Variants in TPGS2 observed in about 807,000 individuals in gnomAD.
The protein encoded by TPGS2 is polyglutamylase subunit 2.
In TPGS2, 26 loss-of-function variants were observed where a neutral mutation model predicts 31.1. The observed-to-expected ratio is 0.84, with a 90% CI of 0.61 to 1.16. TPGS2 has a LOEUF of 1.16. Among genes scored for constraint, TPGS2 ranks in the 50% most tolerant of loss-of-function variants. The pLI, the probability that TPGS2 is intolerant of heterozygous loss-of-function variation, is 0.00. For missense variants in TPGS2, 351 were observed against 363.8 expected, an observed-to-expected ratio of 0.96 and a Z score of 0.29; for synonymous variants, 130 against 136.6, an observed-to-expected ratio of 0.95 and a Z score of 0.34.
intron 1 of TPGS2, 88 bp downstream of exon 1, chr18:36,828,595 G>T: frequency 7.0e-7 from 1 of 1,429,968 alleles, no homozygotes; most frequent in Non-Finnish European, 9.8e-7. Flanking sequence ...TCTGGGGCCA[G>T]CGTCGCACCG....
chr18:36,796,219 A>G lies in TPGS2; in HGVS notation c.*586T>C. 4.1e-6 allele frequency: 4 copies of G among 985,464 alleles called. No individual in the cohort carries two copies. Among genetic ancestry groups the G allele is most frequent in the Non-Finnish European group, 4.8e-6 (4 of 829,942 alleles). The allele number at this position is 985,464 out of a possible 1,614,324, so 61.0% of individuals were successfully genotyped here. ...ATCCAATGAAGACATCAACATTAAC[A>G]ACAAAAATTAATTGAGGAAGAGCAG... On this transcript the variant is annotated 3_prime_UTR_variant, in exon 7 of 7. Coordinates refer to ENST00000334295, the MANE Select transcript of TPGS2 (RefSeq NM_015476.4).
intron 2 of TPGS2, among the ~76,000 whole-genome samples, chr18:36,812,776 T>G (rs1181915376): frequency 6.6e-6 from 1 of 152,216 alleles, no homozygotes; most frequent in African/African-American, 2.4e-5. Context: ...GACTGAGCCC[T>G]TAACCTATGG....
At position 36,785,803 on chromosome 18, in the gene TPGS2, C is replaced by T. The variant is rs1429162023; in HGVS notation, c.658-2672G>A. 3.9e-5 allele frequency among the ~76,000 whole-genome samples: 6 copies of T among 151,992 alleles called. No individual in the cohort carries two copies. In the South Asian group the frequency reaches 8.3e-4, roughly 21 times the overall value. ...ATATAGGCTGGATAATTAGAAGTGTCAACAAAAAAATCATAGGATCTGTAA... is the reference window on the plus strand; with the variant it reads ...ATATAGGCTGGATAATTAGAAGTGTTAACAAAAAAATCATAGGATCTGTAA... On this transcript the variant is annotated intron_variant, in intron 6 of 6. Coordinates refer to the TPGS2 transcript ENST00000587129.
chr18:36,782,911 C>T, downstream of TPGS2: 1 of 392,572 alleles, frequency 2.5e-6, no homozygotes, highest in Non-Finnish European at 4.5e-6. Flanking sequence ...CCACTTCTCT[C>T]TTTTTTCTTC....
downstream of TPGS2, among the ~76,000 whole-genome samples, chr18:36,791,492 G>T (rs2150537372): frequency 6.6e-6 from 1 of 152,264 alleles, no homozygotes; most frequent in Non-Finnish European, 1.5e-5. Flanking sequence ...AGGTGTAACA[G>T]CACAGGAGGA....
chr18:36,810,936 C>T (rs530209916), intron 2 of TPGS2, among the ~76,000 whole-genome samples: 7 of 152,292 alleles, frequency 4.6e-5, no homozygotes, highest in Admixed American at 4.6e-4. Flanking sequence ...GACAATCCTG[C>T]ACCCCATTAT....
chr18:36,815,550 C>A (rs1366126748), intron 2 of TPGS2, among the ~76,000 whole-genome samples: 1 of 152,118 alleles, frequency 6.6e-6, no homozygotes, highest in East Asian at 1.9e-4. Context: ...CTACCCTCCA[C>A]CCACACACAT....
rs765603110 is a variant in TPGS2, at chr18:36,818,919, C to T, written c.140G>A (p.Arg47His). ...VTIIEKPPAE[R>H]HMISSWEQKN... ...TTGTTCCCAGGAAGAAATCATATGA[C>T]GTTCAGCAGGAGGCTTTTCTATGAT... Residue 47 changes from arginine to histidine, a missense_variant, in exon 2 of 7, where the codon CGT becomes CAT. Transcript: ENST00000334295. The T allele has an allele frequency of 1.1e-5, 18 of 1,613,650 alleles. No homozygotes were observed. Among genetic ancestry groups the T allele is most frequent in the Admixed American group, 5.0e-5 (3 of 59,970 alleles).
intron 1 of TPGS2, among the ~76,000 whole-genome samples, chr18:36,827,343 A>G (rs1270792530): frequency 6.6e-6 from 1 of 152,240 alleles, no homozygotes; most frequent in African/African-American, 2.4e-5. Flanking sequence ...AGCAAGAAAG[A>G]CGGCGGTTAT....
At chr18:36,811,491 A>G (rs2045425044) in intron 2 of TPGS2, among the ~76,000 whole-genome samples, 1 of 152,228 alleles carries the variant, frequency 6.6e-6, no homozygotes, top group Non-Finnish European at 1.5e-5. Context: ...TAGAGGCACC[A>G]CAAGTCTTGG....
chr18:36,804,961 C>T (rs1271838245), intron 4 of TPGS2, among the ~76,000 whole-genome samples: 1 of 152,130 alleles, frequency 6.6e-6, no homozygotes, highest in Non-Finnish European at 1.5e-5. Context: ...AGCACAATGC[C>T]AGAGGGAGAC....
Position 36,828,817 on chromosome 18 carries a change from C to T in TPGS2, c.-50G>A, listed in dbSNP as rs374271515. The T allele has an allele frequency of 1.3e-6, 2 of 1,597,156 alleles. No individual in the cohort carries two copies. The highest frequency in any genetic ancestry group is 8.5e-7 in the Non-Finnish European group (1 of 1,169,974). On this transcript the variant is annotated 5_prime_UTR_variant, in exon 1 of 7. Coordinates refer to ENST00000334295, the MANE Select transcript of TPGS2 (RefSeq NM_015476.4). The stretch of plus-strand genomic sequence containing the variant: ...GGCGGGAGCGGGTGGAGGGCCGGAC[C>T]CCGCCTCAGCGCCGAGGCCAATTTC...
chr18:36,792,113 G>A (rs930619396), downstream of TPGS2, among the ~76,000 whole-genome samples: 1 of 151,804 alleles, frequency 6.6e-6, no homozygotes, highest in East Asian at 1.9e-4. Flanking sequence ...AATCCACTTC[G>A]TGTCCAATTA....
At chr18:36,819,218 C>T (rs924017356) in intron 1 of TPGS2, among the ~76,000 whole-genome samples, 2 of 152,154 alleles carry the variant, frequency 1.3e-5, no homozygotes, top group Non-Finnish European at 2.9e-5. Flanking sequence ...ACTGTCATTG[C>T]TCAGTCATTA....
intron 1 of TPGS2, among the ~76,000 whole-genome samples, chr18:36,824,445 C>T (rs2046042236): frequency 6.6e-6 from 1 of 152,126 alleles, no homozygotes; most frequent in South Asian, 2.1e-4. Context: ...TGAGGAAGTG[C>T]CAGACTAGTT....
At chr18:36,825,217 G>A (rs1049670359) in intron 1 of TPGS2, among the ~76,000 whole-genome samples, 2 of 152,106 alleles carry the variant, frequency 1.3e-5, no homozygotes, top group Non-Finnish European at 2.9e-5. Flanking sequence ...TGGATCATGA[G>A]GTCAGGAGAT....
rs2044440443 is a variant in TPGS2 at position 36,794,709 on chromosome 18, A to C, written c.*2096T>G. 2.0e-6 allele frequency: 2 copies of C among 985,328 alleles called. No homozygotes were observed. Among genetic ancestry groups the C allele is most frequent in the African/African-American group, 1.7e-5 (1 of 57,302 alleles). 61.0% of individuals were successfully genotyped at this position (985,328 alleles called of 1,614,324 possible). A position where few individuals can be genotyped will look rare whatever the true frequency, so the allele number is the denominator to read the frequency against. The stretch of plus-strand genomic sequence containing the variant: ...TTGTCCTCAACAACTTGGTCTCTCT[A>C]TATCCTTTTCTGCCACTCCATGAAT... On this transcript the variant is annotated 3_prime_UTR_variant, in exon 7 of 7. Transcript: ENST00000334295.
chr18:36,794,012 A>G (rs1019776486), downstream of TPGS2: 5 of 154,910 alleles, frequency 3.2e-5, no homozygotes, highest in African/African-American at 1.2e-4. Flanking sequence ...AAGTGCTGGG[A>G]TCACAGGCGT....
chr18:36,822,378 AATT>A (rs2150692489), intron 1 of TPGS2, among the ~76,000 whole-genome samples: 1 of 152,316 alleles, frequency 6.6e-6, no homozygotes, highest in Non-Finnish European at 1.5e-5. Context: ...CAGTGTAATA[AATT>A]ATACTTGGGA....
Sources: gnomAD v4.1 joint callset for allele counts (sites outside exome capture counted in the v4.1 genomes callset) on GRCh38, gnomAD v4.1.1 for gene constraint, MANE v1.5 for transcripts, NCBI Gene and HGNC (gene_info 2026-07-23, HGNC 2026-07-21) for gene names.